The following ATAD2B variants were observed in gnomAD, a reference collection of about 807,000 sequenced individuals.
The protein encoded by ATAD2B is ATPase family AAA domain-containing protein 2B.
In ATAD2B, 40 loss-of-function variants were observed where a neutral mutation model predicts 167.6. The observed-to-expected ratio is 0.24, with a 90% CI of 0.19 to 0.31. The LOEUF is 0.31. ATAD2B is among the 10% of genes least tolerant of loss of function. The pLI, the probability that ATAD2B is intolerant of heterozygous loss-of-function variation, is 1.00. For missense variants in ATAD2B, 1,242 were observed against 1,757.2 expected (o/e 0.71, Z 5.24); for synonymous variants, 579 against 596.5 (o/e 0.97, Z 0.43).
intron 13 of ATAD2B, among the ~76,000 whole-genome samples, chr2:23,854,613 G>A (rs759131170): frequency 5.3e-5 from 8 of 151,636 alleles, no homozygotes; most frequent in Non-Finnish European, 1.0e-4. Context: ...GGCAGGCGGC[G>A]GTTGCAGTGA....
At chr2:23,797,095 T>C (rs943026515) in intron 19 of ATAD2B, among the ~76,000 whole-genome samples, 1 of 152,126 alleles carries the variant, frequency 6.6e-6, no homozygotes, top group Non-Finnish European at 1.5e-5. Flanking sequence ...TTTAGCAAGA[T>C]AACTAATGAA....
the ATAD2B span, chr2:23,693,474 G>A: frequency 5.8e-6 from 9 of 1,551,726 alleles, no homozygotes; most frequent in Non-Finnish European, 7.0e-6. Flanking sequence ...CTGAGGAGCT[G>A]GTGTACGAGA....
chr2:23,830,803 C>T (rs1318753525), intron 14 of ATAD2B, among the ~76,000 whole-genome samples: 3 of 151,876 alleles, frequency 2.0e-5, no homozygotes, highest in Admixed American at 2.0e-4. Flanking sequence ...TCATTAGCAG[C>T]ACAGGCAGTG....
chr2:23,712,180 C>T, the ATAD2B span, among the ~76,000 whole-genome samples: 1 of 152,176 alleles, frequency 6.6e-6, no homozygotes, highest in Non-Finnish European at 1.5e-5. Flanking sequence ...ACTCCAGGAG[C>T]TCGCACTACA....
At chr2:23,696,784 C>T in the ATAD2B span, 1 of 361,144 alleles carries the variant, frequency 2.8e-6, no homozygotes, top group South Asian at 3.9e-5. The surrounding 1 kb of genome is among the most constrained non-coding windows in gnomAD (Gnocchi z 5.5). Flanking sequence ...AGGTGTCAGA[C>T]AAGCTGGAGG....
intron 10 of ATAD2B, among the ~76,000 whole-genome samples, chr2:23,866,656 T>C (rs192497832): frequency 2.0e-5 from 3 of 152,306 alleles, no homozygotes; most frequent in Non-Finnish European, 2.9e-5. Context: ...TCTGCTCATA[T>C]GCAATACTCT....
At chr2:23,880,041 G>C (rs1238850087) in intron 7 of ATAD2B, among the ~76,000 whole-genome samples, 2 of 148,462 alleles carry the variant, frequency 1.3e-5, no homozygotes, top group Non-Finnish European at 3.0e-5. Flanking sequence ...CTGGGTGACT[G>C]CAGACTCTGT....
intron 18 of ATAD2B, among the ~76,000 whole-genome samples, chr2:23,800,848 T>C (rs543628246): frequency 4.2e-4 from 64 of 152,072 alleles, no homozygotes; most frequent in Non-Finnish European, 5.3e-4. Context: ...TGAAAACCTA[T>C]TGGGGAAAAA....
intron 1 of ATAD2B, among the ~76,000 whole-genome samples, chr2:23,899,303 C>CAAAAAAA (rs556774553): frequency 4.5e-5 from 3 of 67,370 alleles, no homozygotes; most frequent in African/African-American, 6.2e-5. Flanking sequence ...GACCCCATCT[C>CAAAAAAA]AAAAAAAAAA....
intron 14 of ATAD2B, among the ~76,000 whole-genome samples, chr2:23,831,846 T>C (rs1689120003): frequency 6.6e-6 from 1 of 152,236 alleles, no homozygotes; most frequent in South Asian, 2.1e-4. Context: ...ATTTCTTCCA[T>C]CTTGAAAACA....
intron 13 of ATAD2B, among the ~76,000 whole-genome samples, chr2:23,845,069 A>G (rs1196934889): frequency 6.6e-6 from 1 of 152,172 alleles, no homozygotes; most frequent in African/African-American, 2.4e-5. Context: ...AAGAAAGACC[A>G]ACATCTTTAA....
chr2:23,799,497 C>T (rs1056730462), intron 18 of ATAD2B, among the ~76,000 whole-genome samples: 5 of 132,634 alleles, frequency 3.8e-5, no homozygotes, highest in African/African-American at 5.6e-5. Flanking sequence ...CACTTGAACC[C>T]GGGAGGTGGA....
rs537330861 is a variant in ATAD2B at position 23,925,206 on chromosome 2, T to C, written c.216+1349A>G. 2.0e-5 allele frequency among the ~76,000 whole-genome samples: 3 copies of C among 152,326 alleles called. No homozygotes were observed. The South Asian group carries it at 6.2e-4, about 32-fold the overall frequency. ...ACTTATTCTCAACAGTTTGCACAACTTTCAGATTTAACCTTATTTCAACCT... is the reference window on the plus strand; with the variant it reads ...ACTTATTCTCAACAGTTTGCACAACCTTCAGATTTAACCTTATTTCAACCT... On this transcript the variant is annotated intron_variant, in intron 1 of 27. Coordinates refer to ENST00000238789, the MANE Select transcript of ATAD2B (RefSeq NM_017552.4).
the ATAD2B span, among the ~76,000 whole-genome samples, chr2:23,726,373 A>T: frequency 6.6e-6 from 1 of 152,228 alleles, no homozygotes; most frequent in Non-Finnish European, 1.5e-5. Context: ...GTTGATTAAT[A>T]TATTTTGTGT....
intron 18 of ATAD2B, among the ~76,000 whole-genome samples, chr2:23,803,457 T>C (rs1399163126): frequency 6.6e-6 from 1 of 152,192 alleles, no homozygotes; most frequent in African/African-American, 2.4e-5. Context: ...AGATGCATTT[T>C]TACAAAGTAC....
intron 22 of ATAD2B, among the ~76,000 whole-genome samples, chr2:23,773,593 A>T (rs1350264127): frequency 6.6e-6 from 1 of 152,220 alleles, no homozygotes; most frequent in Non-Finnish European, 1.5e-5. Context: ...GTGGATTCAG[A>T]GACTCACTCA....
the ATAD2B span, among the ~76,000 whole-genome samples, chr2:23,702,808 C>G: frequency 1.3e-5 from 2 of 150,982 alleles, no homozygotes; most frequent in African/African-American, 4.9e-5. Flanking sequence ...GCACGTTTCT[C>G]CAGTTTCCAG....
chr2:23,687,093 G>T, the ATAD2B span, among the ~76,000 whole-genome samples: 1 of 152,146 alleles, frequency 6.6e-6, no homozygotes, highest in Non-Finnish European at 1.5e-5. Flanking sequence ...TGCAGTGGCC[G>T]GATTGGCCCA....
rs373950091 is a variant in ATAD2B, at chr2:23,823,442, A to G, written c.1947T>C (p.Ser649=). Residue 649 remains serine, a synonymous_variant, in exon 16 of 28, where the codon AGT becomes AGC. Transcript: ENST00000238789. ...LQLDVSSIVL[S]AQDFYHAMQN... The stretch of plus-strand genomic sequence containing the variant: ...GCATTGCATGGTAAAAATCTTGGGC[A>G]CTAAGCACTATTGAGGAAACATCCA... The G allele has an allele frequency of 1.2e-6, 2 of 1,613,998 alleles. No individual in the cohort carries two copies. Among genetic ancestry groups the G allele is most frequent in the Admixed American group, 1.7e-5 (1 of 60,020 alleles).
Sources: allele counts gnomAD v4.1 joint callset (sites outside exome capture counted in the v4.1 genomes callset), GRCh38; gene constraint gnomAD v4.1.1; non-coding constraint Gnocchi (gnomAD v3.1); transcripts MANE v1.5; gene names NCBI Gene and HGNC (gene_info 2026-07-23, HGNC 2026-07-21).